The following RFX7 variants were observed in gnomAD, a reference collection of about 807,000 sequenced individuals.
RFX7 encodes regulatory factor X7, also known as DNA-binding protein RFX7.
RFX7 carries 26 observed loss-of-function variants against 111.8 expected under a neutral mutation model. The observed-to-expected ratio is 0.23, with a 90% confidence interval of 0.17 to 0.32. RFX7 has a LOEUF of 0.32. RFX7 is among the 10% of genes least tolerant of loss of function. The pLI, the probability that RFX7 is intolerant of heterozygous loss-of-function variation, is 1.00. For missense variants in RFX7, 1,573 were observed against 1,772.9 expected (o/e 0.89, Z 2.02); for synonymous variants, 624 against 624.4 (o/e 1.00, Z 0.01).
At chr15:56,120,262 G>A (rs1371871115) in intron 5 of RFX7, among the ~76,000 whole-genome samples, 1 of 152,048 alleles carries the variant, frequency 6.6e-6, no homozygotes, top group Non-Finnish European at 1.5e-5. Context: ...TGTAGCTATT[G>A]TAAATAGGAT....
At chr15:56,146,506 A>G (rs2141034117) in intron 3 of RFX7, among the ~76,000 whole-genome samples, 1 of 152,282 alleles carries the variant, frequency 6.6e-6, no homozygotes, top group South Asian at 2.1e-4. Context: ...AAAGTGTAAT[A>G]AAAATATCAT....
chr15:56,196,383 C>T lies in RFX7; in HGVS notation c.162-17080G>A, dbSNP rs79415878. On this transcript the variant is annotated intron_variant, in intron 2 of 9. Transcript: ENST00000559447. Reference sequence around the variant, plus strand: ...ATTTACTACAAATGCTGACTATCTCCATAAACAATACAATAGTTTTGTTTA... The same window carrying T: ...ATTTACTACAAATGCTGACTATCTCTATAAACAATACAATAGTTTTGTTTA... 4.0e-3 allele frequency among the ~76,000 whole-genome samples: 612 copies of T among 152,126 alleles called. 11 individuals are homozygous for T. The highest frequency in any genetic ancestry group is 0.014 in the African/African-American group (592 of 41,484).
intron 2 of RFX7, among the ~76,000 whole-genome samples, chr15:56,220,059 C>CT (rs372983091): frequency 0.016 from 2,398 of 150,968 alleles, 70 homozygotes; most frequent in African/African-American, 0.054. Flanking sequence ...GAAGCATAAC[C>CT]TTTTTTTTTG....
intron 1 of RFX7, 65 bp downstream of exon 1, chr15:56,243,380 G>A (rs2043737650): frequency 2.5e-5 from 21 of 854,826 alleles, no homozygotes; most frequent in Non-Finnish European, 3.0e-5. Flanking sequence ...GGGGAGAGGA[G>A]GAGGGGGAGG....
intron 2 of RFX7, among the ~76,000 whole-genome samples, chr15:56,205,487 CAG>C (rs2043240779): frequency 6.6e-6 from 1 of 152,204 alleles, no homozygotes; most frequent in Non-Finnish European, 1.5e-5. Context: ...CTTCTCCTCC[CAG>C]AGTGATTTTA....
At chr15:56,111,661 C>CAAAAAAAAAAAAAAAAAAAAAACAAA (rs371681721) in intron 5 of RFX7, among the ~76,000 whole-genome samples, 67 of 95,442 alleles carry the variant, frequency 7.0e-4, no homozygotes, top group East Asian at 2.0e-3. Flanking sequence ...ATAAATAAAC[C>CAAAAAAAAAAAAAAAAAAAAAACAAA]AAAAAAAAAA....
intron 2 of RFX7, among the ~76,000 whole-genome samples, chr15:56,202,822 A>G (rs890744079): frequency 1.3e-5 from 2 of 152,180 alleles, no homozygotes; most frequent in Admixed American, 1.3e-4. Flanking sequence ...TAAAAAAGAA[A>G]AAGAAAGTAT....
In RFX7 at chr15:56,137,714, C is replaced by G. The variant is rs1182849228; in HGVS notation, c.401+5064G>C. ...TCTTTTAATTGTGATGTTAGGGTGTCAATTTTAGATCTTTCCTGCATTCTC... is the reference window on the plus strand; with the variant it reads ...TCTTTTAATTGTGATGTTAGGGTGTGAATTTTAGATCTTTCCTGCATTCTC... On this transcript the variant is annotated intron_variant, in intron 5 of 9. Transcript: ENST00000559447. 5.3e-5 allele frequency among the ~76,000 whole-genome samples: 8 copies of G among 151,958 alleles called. No homozygotes were observed. In the East Asian group the frequency reaches 5.8e-4, roughly 11 times the overall value.
chr15:56,190,496 A>G (rs1422201372), intron 2 of RFX7, among the ~76,000 whole-genome samples: 2 of 152,206 alleles, frequency 1.3e-5, no homozygotes, highest in African/African-American at 4.8e-5. Flanking sequence ...CTATCTTCAG[A>G]ACTCTTCAGC....
chr15:56,089,569 A>G lies in RFX7; in HGVS notation c.*3776T>C, dbSNP rs1343893258. 2.6e-5 allele frequency: 4 copies of G among 152,020 alleles called. No individual in the cohort carries two copies. Among genetic ancestry groups the G allele is most frequent in the Non-Finnish European group, 5.9e-5 (4 of 68,014 alleles). 9.4% of individuals were successfully genotyped at this position (152,020 alleles called of 1,614,324 possible). A position where few individuals can be genotyped will look rare whatever the true frequency, so the allele number is the denominator to read the frequency against. ...CCAGAATTTCTTACTGGTTGACTCT[A>G]TGCACTGGTTCTTATGTTTGCCTGC... On this transcript the variant is annotated 3_prime_UTR_variant, in exon 10 of 10. Transcript: ENST00000559447.
chr15:56,096,524 T>A lies in RFX7; in HGVS notation c.1204A>T (p.Met402Leu). The A allele has an allele frequency of 6.2e-7, 1 of 1,602,470 alleles. No individual in the cohort carries two copies. Among genetic ancestry groups the A allele is most frequent in the Non-Finnish European group, 8.5e-7 (1 of 1,174,326 alleles). ...TTTGGTGCCTGTTTCACAGACTGCA[T>A]GTGCTGAGTGACCACCTGTACATTG... Reference protein sequence around the residue: ...PLNVQVVTQHMQSVKQAPKTP... With the variant: ...PLNVQVVTQHLQSVKQAPKTP... The change falls in exon 10 of 10, where the codon ATG (methionine) becomes TTG (leucine). Residue 402 changes from methionine to leucine, a missense_variant. Met to Leu is a conservative substitution (Grantham distance 15). Around this residue, in one of 7 missense-constraint regions of RFX7, gnomAD observed 288 missense variants for 337.9 expected, o/e 0.85. Coordinates refer to ENST00000559447, the MANE Select transcript of RFX7 (RefSeq NM_022841.7).
At chr15:56,211,068 A>C (rs1292383553) in intron 2 of RFX7, among the ~76,000 whole-genome samples, 1 of 152,096 alleles carries the variant, frequency 6.6e-6, no homozygotes, top group African/African-American at 2.4e-5. Context: ...CACAATCTGC[A>C]AAATCAGAAA....
chr15:56,097,764 A>AAAAAAAAAAAAAAAAAAAC (rs1186651251), intron 9 of RFX7, among the ~76,000 whole-genome samples: 1 of 150,410 alleles, frequency 6.6e-6, no homozygotes, highest in Non-Finnish European at 1.5e-5. Context: ...AAAAAAAAAA[A>AAAAAAAAAAAAAAAAAAAC]AAAAAAATCT....
intron 5 of RFX7, among the ~76,000 whole-genome samples, chr15:56,107,999 A>C (rs2041854846): frequency 6.6e-6 from 1 of 152,216 alleles, no homozygotes; most frequent in Non-Finnish European, 1.5e-5. Flanking sequence ...TCCCAAGACT[A>C]AACCAGGAAG....
intron 5 of RFX7, among the ~76,000 whole-genome samples, chr15:56,129,141 C>A (rs1261968803): frequency 6.6e-6 from 1 of 152,018 alleles, no homozygotes; most frequent in Non-Finnish European, 1.5e-5. Flanking sequence ...TTTGGGAGGC[C>A]GAAGTGGGTG....
chr15:56,112,949 G>GAGAT (rs1214189746), intron 5 of RFX7, among the ~76,000 whole-genome samples: 5 of 152,142 alleles, frequency 3.3e-5, no homozygotes, highest in African/African-American at 1.2e-4. Context: ...AAACCACAAA[G>GAGAT]AGATACCATC....
At chr15:56,183,679 T>G (rs1035868989) in intron 2 of RFX7, among the ~76,000 whole-genome samples, 1 of 152,194 alleles carries the variant, frequency 6.6e-6, no homozygotes, top group African/African-American at 2.4e-5. Context: ...CAAAACAGTC[T>G]TGACAATTCT....
At chr15:56,134,970 T>C (rs1157115010) in intron 5 of RFX7, among the ~76,000 whole-genome samples, 1 of 152,160 alleles carries the variant, frequency 6.6e-6, no homozygotes, top group Non-Finnish European at 1.5e-5. Context: ...CTGCATAGTA[T>C]TCCATGGTGT....
intron 8 of RFX7, among the ~76,000 whole-genome samples, chr15:56,099,164 T>G (rs1347564927): frequency 6.6e-6 from 1 of 152,192 alleles, no homozygotes; most frequent in Non-Finnish European, 1.5e-5. Flanking sequence ...TTGAGATCAT[T>G]AGAAAGTAAG....
Sources: allele counts gnomAD v4.1 joint callset (sites outside exome capture counted in the v4.1 genomes callset), GRCh38; gene constraint gnomAD v4.1.1; regional missense constraint gnomAD v4.1.1; transcripts MANE v1.5; gene names NCBI Gene and HGNC (gene_info 2026-07-23, HGNC 2026-07-21).